The following NAA16 variants were observed in gnomAD, a reference collection of about 807,000 sequenced individuals.
NAA16 encodes NARG1-like protein.
NAA16 carries 97 observed loss-of-function variants against 110.3 expected under a neutral mutation model. That is an observed-to-expected ratio of 0.88 (90% CI 0.75 to 1.04). The LOEUF is 1.04. Ranked by LOEUF, NAA16 falls within the 50% of genes least tolerant of loss-of-function variation. The pLI is 0.00. For missense variants in NAA16, 1,017 were observed against 1,005.1 expected (o/e 1.01, Z -0.16); for synonymous variants, 372 against 330.6 (o/e 1.13, Z -1.36).
intron 3 of NAA16, 89 bp from the exon 4 acceptor site, chr13:41,320,578 T>C (rs1566243118): frequency 3.2e-6 from 4 of 1,258,176 alleles, no homozygotes. Context: ...CCAGGCAAAA[T>C]ACCATTTCCT....
intron 8 of NAA16, among the ~76,000 whole-genome samples, chr13:41,333,311 T>G (rs2042289565): frequency 6.6e-6 from 1 of 152,140 alleles, no homozygotes; most frequent in South Asian, 2.1e-4. Flanking sequence ...TTTTAAAAAG[T>G]GTGTGCAATT....
chr13:41,369,822 C>T lies in NAA16; in HGVS notation c.1947+539C>T, dbSNP rs529837711. Among the ~76,000 whole-genome samples, 154 of 152,274 alleles carry T rather than the reference C, an allele frequency of 1.0e-3. 1 individual carries two copies. The highest frequency in any genetic ancestry group is 3.4e-3 in the African/African-American group (141 of 41,564). ...AAAGGCATTGAACGGATTCCCCCTTCGAATCTCCAAAGGAAATGCAGTCCT... is the reference window on the plus strand; with the variant it reads ...AAAGGCATTGAACGGATTCCCCCTTTGAATCTCCAAAGGAAATGCAGTCCT... On this transcript the variant is annotated intron_variant, in intron 15 of 19. Coordinates refer to ENST00000379406, the MANE Select transcript of NAA16 (RefSeq NM_024561.5).
chr13:41,350,618 TTGTTTGTTTG>T (rs1566280248), intron 9 of NAA16, among the ~76,000 whole-genome samples: 1 of 107,826 alleles, frequency 9.3e-6, no homozygotes, highest in African/African-American at 4.5e-5. Flanking sequence ...TTTTTTTTTT[TTGTTTGTTTG>T]TTTTTTTTAA....
chr13:41,313,350 G>C (rs1487645152), intron 1 of NAA16, among the ~76,000 whole-genome samples: 2 of 152,122 alleles, frequency 1.3e-5, no homozygotes, highest in Non-Finnish European at 2.9e-5. Flanking sequence ...GTGAGCTACT[G>C]TGCTCAGCCA....
At chr13:41,327,342 T>C (rs2042120345) in intron 6 of NAA16, among the ~76,000 whole-genome samples, 1 of 152,134 alleles carries the variant, frequency 6.6e-6, no homozygotes. Flanking sequence ...TGAAATATTA[T>C]TGTCATTTCC....
intron 9 of NAA16, among the ~76,000 whole-genome samples, chr13:41,341,443 C>T (rs145863532): frequency 2.6e-5 from 4 of 152,222 alleles, no homozygotes; most frequent in South Asian, 2.1e-4. Flanking sequence ...ACTTGCCAGC[C>T]GTGGTGGCTC....
rs1386928965 is a variant in NAA16 at position 41,318,156 on chromosome 13, G to T, written c.140-650G>T. 2.0e-5 allele frequency among the ~76,000 whole-genome samples: 3 copies of T among 152,002 alleles called. No homozygotes were observed. In the East Asian group the frequency reaches 5.8e-4, roughly 29 times the overall value. On this transcript the variant is annotated intron_variant, in intron 2 of 19. Coordinates refer to ENST00000379406, the MANE Select transcript of NAA16 (RefSeq NM_024561.5). ...GAATTGACCTTAGGTAAGAGCTGTGGAACTGCTATGGTAGATTTAATTCCA... is the reference window on the plus strand; with the variant it reads ...GAATTGACCTTAGGTAAGAGCTGTGTAACTGCTATGGTAGATTTAATTCCA...
At chr13:41,367,406 G>T (rs202086450) in intron 13 of NAA16, 33 bp from the exon 14 acceptor site, 3 of 1,447,896 alleles carry the variant, frequency 2.1e-6, no homozygotes, top group Non-Finnish European at 9.6e-7. Context: ...TGACATAAAT[G>T]TAAAGGTTAA....
intron 8 of NAA16, among the ~76,000 whole-genome samples, chr13:41,336,171 AT>A (rs138728723): frequency 5.3e-5 from 8 of 151,226 alleles, no homozygotes; most frequent in African/African-American, 1.9e-4. Flanking sequence ...TTAAAAAAAA[AT>A]TTTTTTTTTT....
At chr13:41,331,507 A>T in intron 8 of NAA16, 138 bp downstream of exon 8, 1 of 527,232 alleles carries the variant, frequency 1.9e-6, no homozygotes, top group South Asian at 3.6e-5. Flanking sequence ...TTATGAGTTT[A>T]TATGTTAAGA....
intron 9 of NAA16, among the ~76,000 whole-genome samples, chr13:41,349,944 GAGCGAGACTCCGTC>G (rs2042782943): frequency 7.0e-6 from 1 of 143,416 alleles, no homozygotes; most frequent in South Asian, 2.3e-4. Context: ...CTGGGTGACA[GAGCGAGACTCCGTC>G]TCAAAAAAAA....
intron 10 of NAA16, among the ~76,000 whole-genome samples, chr13:41,355,575 G>T (rs775104060): frequency 6.6e-6 from 1 of 152,060 alleles, no homozygotes; most frequent in Non-Finnish European, 1.5e-5. Flanking sequence ...GATTACAGGC[G>T]CCTGCCACCA....
chr13:41,342,765 G>T (rs1177259393), intron 9 of NAA16, among the ~76,000 whole-genome samples: 1 of 152,130 alleles, frequency 6.6e-6, no homozygotes, highest in African/African-American at 2.4e-5. Flanking sequence ...TGTTTGACCA[G>T]CCATTTCATA....
Position 41,355,222 on chromosome 13 carries a change from TTTAAA to T in NAA16, c.1087+10_1087+14del, listed in dbSNP as rs2042951079. The T allele has an allele frequency of 6.6e-7, 1 of 1,515,990 alleles. No homozygotes were observed. The highest frequency in any genetic ancestry group is 9.0e-7 in the Non-Finnish European group (1 of 1,110,590). 93.9% of individuals were successfully genotyped at this position (1,515,990 alleles called of 1,614,324 possible). On this transcript the variant is annotated splice_region_variant and intron_variant, in intron 10 of 19. Transcript: ENST00000379406. ...TGACTTTTTTAGCCCATATGGTAAG[TTTAAA>T]TTAGATTGAATTGGAATTTGATTAC...
At position 41,311,517 on chromosome 13, in the gene NAA16, C is replaced by A; in HGVS notation, c.-12C>A. ...CCTCCCTGCCGGCCACCTAGCCTCC[C>A]TGCCGGCCACGATGCCGAACGTGCT... On this transcript the variant is annotated 5_prime_UTR_variant, in exon 1 of 20. It adds an upstream start codon to the 5' untranslated region. Transcript: ENST00000379406. 1.3e-6 allele frequency: 2 copies of A among 1,597,896 alleles called. No homozygotes were observed. Among genetic ancestry groups the A allele is most frequent in the East Asian group, 4.5e-5 (2 of 44,080 alleles).
At chr13:41,344,895 C>T (rs761494760) in intron 9 of NAA16, among the ~76,000 whole-genome samples, 26 of 152,212 alleles carry the variant, frequency 1.7e-4, no homozygotes, top group Admixed American at 7.2e-4. Context: ...ACAACCTTCA[C>T]GTCCCTCTCA....
chr13:41,316,811 T>C (rs771657397), intron 1 of NAA16, 35 bp from the exon 2 acceptor site: 2 of 1,418,994 alleles, frequency 1.4e-6, no homozygotes, highest in Non-Finnish European at 2.0e-6. Flanking sequence ...ATGTATTCAT[T>C]TGATAAAATA....
intron 12 of NAA16, among the ~76,000 whole-genome samples, chr13:41,360,344 A>G (rs2043087130): frequency 6.6e-6 from 1 of 152,194 alleles, no homozygotes; most frequent in African/African-American, 2.4e-5. Context: ...TATAATGCAA[A>G]TATTCCAAAA....
chr13:41,336,552 C>T (rs2042386300), intron 8 of NAA16, 98 bp from the exon 9 acceptor site: 2 of 675,234 alleles, frequency 3.0e-6, no homozygotes, highest in East Asian at 5.5e-5. Context: ...TGGATAGGAG[C>T]ATAATTGCTT....
Sources: allele counts gnomAD v4.1 joint callset (sites outside exome capture counted in the v4.1 genomes callset), GRCh38; gene constraint gnomAD v4.1.1; transcripts MANE v1.5; gene names NCBI Gene and HGNC (gene_info 2026-07-23, HGNC 2026-07-21).